Variants in CTNNA2 observed in about 807,000 individuals in gnomAD.
CTNNA2 encodes the protein catenin alpha 2.
CTNNA2 carries 42 observed loss-of-function variants against 101.0 expected under a neutral mutation model. The observed-to-expected ratio is 0.42, with a 90% CI of 0.32 to 0.54. CTNNA2 has a LOEUF of 0.54. Ranked by LOEUF, CTNNA2 falls within the 20% of genes least tolerant of loss-of-function variation. CTNNA2 has a pLI of 0.14. For missense variants in CTNNA2, 871 were observed against 1,223.1 expected (o/e 0.71, Z 4.29); for synonymous variants, 450 against 456.4 (o/e 0.99, Z 0.18).
intron 7 of CTNNA2, among the ~76,000 whole-genome samples, chr2:80,100,651 T>C (rs1700484544): frequency 6.6e-6 from 1 of 152,224 alleles, no homozygotes; most frequent in Admixed American, 6.5e-5. Context: ...GAGGGGTCTT[T>C]GAAACACCCG....
intron 1 of CTNNA2, among the ~76,000 whole-genome samples, chr2:79,187,801 T>C (rs1324745154): frequency 6.6e-6 from 1 of 152,174 alleles, no homozygotes; most frequent in Non-Finnish European, 1.5e-5. Context: ...TGTGACTGGT[T>C]AGTGGTTCAT....
chr2:79,766,835 A>G (rs535240747), intron 3 of CTNNA2, among the ~76,000 whole-genome samples: 29 of 151,698 alleles, frequency 1.9e-4, no homozygotes, highest in Non-Finnish European at 7.4e-5. Context: ...GGCTCACCGC[A>G]ACCTCCACCT....
chr2:80,062,907 G>T (rs189285075), intron 7 of CTNNA2, among the ~76,000 whole-genome samples: 48 of 151,888 alleles, frequency 3.2e-4, no homozygotes, highest in Non-Finnish European at 5.9e-5. Context: ...GGGTTTCACC[G>T]TGTTAGCTAG....
chr2:80,509,491 G>T (rs941451545), intron 9 of CTNNA2, among the ~76,000 whole-genome samples: 3 of 152,088 alleles, frequency 2.0e-5, no homozygotes, highest in African/African-American at 7.2e-5. Context: ...CCTTCTGTAG[G>T]GTTATCTAAC....
At chr2:80,504,550 T>A (rs1688124451) in intron 9 of CTNNA2, among the ~76,000 whole-genome samples, 1 of 152,152 alleles carries the variant, frequency 6.6e-6, no homozygotes, top group African/African-American at 2.4e-5. Context: ...GGGGTGGTCT[T>A]AGAATTTTGT....
intron 8 of CTNNA2, among the ~76,000 whole-genome samples, chr2:80,393,710 T>C (rs1242851115): frequency 6.6e-6 from 1 of 152,212 alleles, no homozygotes; most frequent in East Asian, 1.9e-4. Flanking sequence ...ATCTGATGGG[T>C]TAATTAAGGT....
At chr2:79,994,601 T>A (rs75567308) in intron 7 of CTNNA2, among the ~76,000 whole-genome samples, 39,983 of 147,738 alleles carry the variant, frequency 0.27, 7,423 homozygotes, top group African/African-American at 0.53. Context: ...AAAAAAAAAA[T>A]TTGAAGTCTA....
chr2:79,215,972 T>G (rs1308766135), intron 2 of CTNNA2, among the ~76,000 whole-genome samples: 1 of 151,724 alleles, frequency 6.6e-6, no homozygotes, highest in East Asian at 1.9e-4. Context: ...TGAGGGGACA[T>G]GTGGGAGGGA....
At chr2:80,219,278 C>G (rs1708438583) in intron 7 of CTNNA2, among the ~76,000 whole-genome samples, 1 of 152,084 alleles carries the variant, frequency 6.6e-6, no homozygotes, top group African/African-American at 2.4e-5. Context: ...CACTATATTC[C>G]CAGGATTCTG....
intron 9 of CTNNA2, among the ~76,000 whole-genome samples, chr2:80,447,973 C>T (rs1422939091): frequency 6.6e-6 from 1 of 152,178 alleles, no homozygotes; most frequent in Non-Finnish European, 1.5e-5. Flanking sequence ...AGCAATGTAA[C>T]AATAGAATGT....
chr2:80,187,763 A>C (rs993890629), intron 7 of CTNNA2, among the ~76,000 whole-genome samples: 1 of 152,084 alleles, frequency 6.6e-6, no homozygotes, highest in African/African-American at 2.4e-5. Flanking sequence ...GTTATCACAG[A>C]TGCCTCTCAA....
intron 3 of CTNNA2, among the ~76,000 whole-genome samples, chr2:79,813,009 A>G (rs1403693923): frequency 6.6e-6 from 1 of 152,144 alleles, no homozygotes; most frequent in African/African-American, 2.4e-5. Flanking sequence ...ACACCTTGTT[A>G]CCACTAGTTA....
intron 9 of CTNNA2, among the ~76,000 whole-genome samples, chr2:80,541,015 C>A (rs1691506174): frequency 6.6e-6 from 1 of 152,134 alleles, no homozygotes; most frequent in African/African-American, 2.4e-5. Flanking sequence ...TTGGGGACTG[C>A]CTCAAGCTAT....
chr2:80,445,054 A>G (rs1040292850), intron 9 of CTNNA2, among the ~76,000 whole-genome samples: 5 of 152,196 alleles, frequency 3.3e-5, no homozygotes, highest in Admixed American at 6.5e-5. Flanking sequence ...TGAGAAGATC[A>G]CTTGGGAACC....
At chr2:79,895,525 G>A (rs750134141) in intron 6 of CTNNA2, among the ~76,000 whole-genome samples, 26 of 151,952 alleles carry the variant, frequency 1.7e-4, no homozygotes, top group African/African-American at 4.8e-4. Context: ...TTGACTTTCC[G>A]TTTTAAATGG....
intron 7 of CTNNA2, among the ~76,000 whole-genome samples, chr2:80,183,798 A>C (rs1705941277): frequency 6.6e-6 from 1 of 152,012 alleles, no homozygotes; most frequent in Admixed American, 6.6e-5. Context: ...GCTTCACTTA[A>C]CTTTTTAGAT....
chr2:80,149,911 A>C (rs2148926000), intron 7 of CTNNA2, among the ~76,000 whole-genome samples: 1 of 152,264 alleles, frequency 6.6e-6, no homozygotes, highest in African/African-American at 2.4e-5. Context: ...GTTTAAACAC[A>C]AAAAACACAT....
At chr2:79,461,826 G>A (rs1257594614) in intron 4 of CTNNA2, among the ~76,000 whole-genome samples, 1 of 151,928 alleles carries the variant, frequency 6.6e-6, no homozygotes, top group Non-Finnish European at 1.5e-5. Context: ...TGAGGAAAAA[G>A]AAAAACATGA....
intron 3 of CTNNA2, among the ~76,000 whole-genome samples, chr2:79,754,540 C>A (rs1672268957): frequency 6.6e-6 from 1 of 152,078 alleles, no homozygotes. Flanking sequence ...GGATGGTGGG[C>A]ATGTTCTTCT....
Sources: gnomAD v4.1 joint callset for allele counts (sites outside exome capture counted in the v4.1 genomes callset) on GRCh38, gnomAD v4.1.1 for gene constraint, MANE v1.5 for transcripts, NCBI Gene and HGNC (gene_info 2026-07-23, HGNC 2026-07-21) for gene names.